The following CARS1 variants were observed in gnomAD, a reference collection of about 807,000 sequenced individuals.
CARS1 encodes the protein cysteinyl-tRNA synthetase 1.
A neutral mutation model predicts 106.2 loss-of-function variants in CARS1; 48 were observed. The observed-to-expected ratio is 0.45, with a 90% CI of 0.36 to 0.57. The LOEUF (loss-of-function observed/expected upper bound fraction) is 0.57, where lower values mean the gene tolerates loss of function less well. Ranked by LOEUF, CARS1 falls within the 20% of genes least tolerant of loss-of-function variation. CARS1 has a pLI of 0.00. For missense variants in CARS1, 968 were observed against 1,057.2 expected (o/e 0.92, Z 1.17); for synonymous variants, 409 against 403.4 (o/e 1.01, Z -0.17).
At chr11:3,025,279 G>A (rs767143000) in intron 10 of CARS1, among the ~76,000 whole-genome samples, 2 of 152,180 alleles carry the variant, frequency 1.3e-5, no homozygotes, top group Non-Finnish European at 2.9e-5. Context: ...CCAGGCTGGA[G>A]TGCAGTGGCA....
At position 3,017,047 on chromosome 11, in the gene CARS1, G is replaced by A. The variant is rs1851083270; in HGVS notation, c.1917+59C>T. On this transcript the variant is annotated intron_variant, in intron 16 of 22. Coordinates refer to ENST00000380525, the MANE Select transcript of CARS1 (RefSeq NM_001014437.3). This position sits in a 1 kb window ranked among gnomAD's most constrained non-coding sequence, Gnocchi z 4.9. ...AGAGGCCTCTGTTCTCCCAGTCCTG[G>A]GGCCTGGCTCCTGTGTCCACACAGG... 6.7e-7 allele frequency: 1 copy of A among 1,484,188 alleles called. No individual in the cohort carries two copies. Among genetic ancestry groups the A allele is most frequent in the Non-Finnish European group, 9.2e-7 (1 of 1,084,712 alleles). 91.9% of individuals were successfully genotyped at this position (1,484,188 alleles called of 1,614,324 possible). A position where few individuals can be genotyped will look rare whatever the true frequency, so the allele number is the denominator to read the frequency against.
At chr11:3,001,366 G>C (rs1225774405) in intron 22 of CARS1, 118 bp from the exon 23 acceptor site, 2 of 1,186,680 alleles carry the variant, frequency 1.7e-6, no homozygotes, top group African/African-American at 1.5e-5. Flanking sequence ...ATGTCCTCTT[G>C]CTTGGACATT....
rs578210876 is a variant in CARS1 at position 3,029,151 on chromosome 11, C to T, written c.943-67G>A. On this transcript the variant is annotated intron_variant, in intron 8 of 22. Coordinates refer to ENST00000380525, the MANE Select transcript of CARS1 (RefSeq NM_001014437.3). This position sits in a 1 kb window ranked among gnomAD's most constrained non-coding sequence, Gnocchi z 5.9. ...AAACCACGCGCTCCATAAAAACGTT[C>T]CCAATTCATAAAACGAAAAGCCCAT... is the stretch of plus-strand genomic sequence containing the variant. 4.2e-5 allele frequency: 61 copies of T among 1,447,340 alleles called. No individual in the cohort carries two copies. In the South Asian group the frequency reaches 5.9e-4, roughly 14 times the overall value. The allele number at this position is 1,447,340 out of a possible 1,614,324, so 89.7% of individuals were successfully genotyped here.
At chr11:3,042,312 T>A in intron 2 of CARS1, 56 bp from the exon 3 acceptor site, 2 of 1,330,736 alleles carry the variant, frequency 1.5e-6, no homozygotes, top group Middle Eastern at 1.8e-4. Context: ...GAAGTGCAAG[T>A]CGCCTCTTCA....
chr11:3,038,064 T>C lies in CARS1; in HGVS notation c.787A>G (p.Asn263Asp). Residue 263 changes from asparagine (N) to aspartate (D), a missense_variant, in exon 7 of 23, where the codon AAC (asparagine) becomes GAC (aspartate). Physicochemically the swap from Asn to Asp is conservative, Grantham distance 23. Coordinates refer to ENST00000380525, the MANE Select transcript of CARS1 (RefSeq NM_001014437.3). This position sits in a 1 kb window ranked among gnomAD's most constrained non-coding sequence, Gnocchi z 4.0. The part of the protein sequence containing the change: ...VQSRLTGEEV[N>D]SCVEVLLEEA... ...TGAAGCCTCACCTCCACACAGCTGT[T>C]GACTTCCTCTCCCGTGAGTCTGGAC... 1 of 1,613,518 alleles carries C rather than the reference T, an allele frequency of 6.2e-7. No individual in the cohort carries two copies. Among genetic ancestry groups the C allele is most frequent in the Non-Finnish European group, 8.5e-7 (1 of 1,179,444 alleles).
chr11:3,051,788 C>G (rs1225363360), intron 1 of CARS1, among the ~76,000 whole-genome samples: 1 of 152,214 alleles, frequency 6.6e-6, no homozygotes, highest in African/African-American at 2.4e-5. Context: ...ACATTCCTCT[C>G]CCCTGTCCCC....
chr11:3,006,662 A>C (rs1849894953), intron 19 of CARS1, among the ~76,000 whole-genome samples: 1 of 152,184 alleles, frequency 6.6e-6, no homozygotes. Context: ...AGGTGACACC[A>C]CCACACGCAG....
chr11:3,056,785 G>A (rs777071913), intron 1 of CARS1, among the ~76,000 whole-genome samples: 24 of 152,176 alleles, frequency 1.6e-4, no homozygotes, highest in Non-Finnish European at 2.8e-4. Flanking sequence ...GGGCAAGAGG[G>A]AGCGAGGGCC....
chr11:3,034,082 TG>T lies in CARS1; in HGVS notation c.801+3967del, dbSNP rs779115287. ...CAGGAACGAGCCACTGCACCTGGTCTGGGCTGGACAATTTGACCAACAGAAC... is the reference window on the plus strand; with the variant it reads ...CAGGAACGAGCCACTGCACCTGGTCTGGCTGGACAATTTGACCAACAGAAC... On this transcript the variant is annotated intron_variant, in intron 7 of 22. Coordinates refer to ENST00000380525, the MANE Select transcript of CARS1 (RefSeq NM_001014437.3). The surrounding 1 kb of genome is among the most constrained non-coding windows in gnomAD (Gnocchi z 6.3). Among the ~76,000 whole-genome samples the T allele has an allele frequency of 3.3e-5, 5 of 152,144 alleles. No individual in the cohort carries two copies. The highest frequency in any genetic ancestry group is 1.5e-5 in the Non-Finnish European group (1 of 68,024).
Position 3,018,757 on chromosome 11 carries a change from G to A in CARS1, c.1396-8C>T, listed in dbSNP as rs1265402743. 1.9e-6 allele frequency: 3 copies of A among 1,612,482 alleles called. No homozygotes were observed. In the African/African-American group the frequency reaches 4.0e-5, roughly 22 times the overall value. On this transcript the variant is annotated splice_region_variant and splice_polypyrimidine_tract_variant and intron_variant, in intron 12 of 22. Transcript: ENST00000380525. ...GTCGTTTTCAAAGTAGGCCTGCGTG[G>A]AAAGAGACAAAGGATGTCAACAGTC...
intron 9 of CARS1, chr11:3,027,794 C>A: frequency 4.4e-6 from 2 of 454,100 alleles, no homozygotes; most frequent in South Asian, 3.1e-5. Context: ...TGGGAGGATG[C>A]CCGTTGCCAA....
At position 3,034,696 on chromosome 11, in the gene CARS1, A is replaced by AT. The variant is rs934453544; in HGVS notation, c.801+3353dup. On this transcript the variant is annotated intron_variant, in intron 7 of 22. Transcript: ENST00000380525. This position sits in a 1 kb window ranked among gnomAD's most constrained non-coding sequence, Gnocchi z 6.3. ...AGGCACACGCCACAACACCCAGCTAATTTTTTTTTTTTTATTTTTAGTAGA... is the reference window on the plus strand; with the variant it reads ...AGGCACACGCCACAACACCCAGCTAATTTTTTTTTTTTTTATTTTTAGTAGA... Among the ~76,000 whole-genome samples the AT allele has an allele frequency of 2.5e-4, 37 of 145,592 alleles. No homozygotes were observed. The highest frequency in any genetic ancestry group is 4.4e-4 in the South Asian group (2 of 4,582).
In CARS1 at chr11:3,043,541, G is replaced by A. The variant is rs1854755026; in HGVS notation, c.275-1285C>T. On this transcript the variant is annotated intron_variant, in intron 2 of 22. Transcript: ENST00000380525. This position sits in a 1 kb window ranked among gnomAD's most constrained non-coding sequence, Gnocchi z 4.0. ...TGAGTGGCACCAGGAAGGCCTACGA[G>A]ATGGATACTCCTAGCACTGACCTGT... Among the ~76,000 whole-genome samples, 1 of 151,366 alleles carries A rather than the reference G, an allele frequency of 6.6e-6. No individual in the cohort carries two copies. Among genetic ancestry groups the A allele is most frequent in the African/African-American group, 2.4e-5 (1 of 41,126 alleles).
Position 3,021,045 on chromosome 11 carries a change from G to A in CARS1, c.1154-713C>T, listed in dbSNP as rs1269285081. ...ACTGTCTATGCCTTGCCAGAGGGAT[G>A]AGAAATAACCCCTTGGTGAATTCCA... On this transcript the variant is annotated intron_variant, in intron 10 of 22. Coordinates refer to ENST00000380525, the MANE Select transcript of CARS1 (RefSeq NM_001014437.3). This position sits in a 1 kb window ranked among gnomAD's most constrained non-coding sequence, Gnocchi z 5.3. Among the ~76,000 whole-genome samples, 1 of 152,160 alleles carries A rather than the reference G, an allele frequency of 6.6e-6. No individual in the cohort carries two copies. Among genetic ancestry groups the A allele is most frequent in the East Asian group, 1.9e-4 (1 of 5,198 alleles).
chr11:3,023,594 T>C (rs1228655650), intron 10 of CARS1, among the ~76,000 whole-genome samples: 1 of 152,156 alleles, frequency 6.6e-6, no homozygotes, highest in East Asian at 1.9e-4. Context: ...GCGGTCTCAC[T>C]ACATTGCCCA....
chr11:3,019,000 C>A, intron 12 of CARS1, 139 bp downstream of exon 12: 1 of 1,116,352 alleles, frequency 9.0e-7, no homozygotes, highest in East Asian at 2.4e-5. Context: ...GATCAGGGTT[C>A]AGATTCCACC....
intron 16 of CARS1, among the ~76,000 whole-genome samples, chr11:3,016,735 T>C (rs569433890): frequency 6.6e-6 from 1 of 152,006 alleles, no homozygotes; most frequent in East Asian, 1.9e-4. Flanking sequence ...CACCTCAGCC[T>C]CCCAAGCAGC....
intron 19 of CARS1, 87 bp downstream of exon 19, chr11:3,006,792 G>A (rs767870591): frequency 1.3e-5 from 14 of 1,045,366 alleles, no homozygotes; most frequent in Non-Finnish European, 2.1e-5. Flanking sequence ...CATGAAGCAT[G>A]AGCCTCAGCC....
intron 18 of CARS1, chr11:3,007,292 C>T (rs1175271885): frequency 5.3e-6 from 2 of 375,474 alleles, no homozygotes; most frequent in Non-Finnish European, 9.7e-6. Context: ...CAAGTTGGGC[C>T]GACAGCAGGG....
Sources: allele counts gnomAD v4.1 joint callset (sites outside exome capture counted in the v4.1 genomes callset), GRCh38; gene constraint gnomAD v4.1.1; non-coding constraint Gnocchi (gnomAD v3.1); transcripts MANE v1.5; gene names NCBI Gene and HGNC (gene_info 2026-07-23, HGNC 2026-07-21).